The following SNRK variants were observed in gnomAD, a reference collection of about 807,000 sequenced individuals.
SNRK encodes the protein SNF related kinase.
In SNRK, 3 loss-of-function variants were observed where a neutral mutation model predicts 48.2. The observed-to-expected ratio is 0.06, with a 90% CI of 0.03 to 0.16. The LOEUF is 0.16. SNRK is among the 10% of genes least tolerant of loss of function. The pLI is 1.00. For synonymous variants in SNRK, 376 were observed against 366.1 expected, an observed-to-expected ratio of 1.03 and a Z score of -0.31; for missense variants, 627 against 976.0, an observed-to-expected ratio of 0.64 and a Z score of 4.76.
rs192626056 is a variant in SNRK, at chr3:43,320,481, C to T, written c.590-11688C>T. ...AGATGGTGTGACTGATTCATCACCA[C>T]GTTCCAGGTTGTGATTCTCAGCTTT... On this transcript the variant is annotated intron_variant, in intron 3 of 6. Transcript: ENST00000296088. Among the ~76,000 whole-genome samples, 21 of 152,254 alleles carry T rather than the reference C, an allele frequency of 1.4e-4. No individual in the cohort carries two copies. In the East Asian group the frequency reaches 3.3e-3, roughly 24 times the overall value.
chr3:43,328,280 A>C (rs2091111066), intron 3 of SNRK, among the ~76,000 whole-genome samples: 1 of 151,626 alleles, frequency 6.6e-6, no homozygotes, highest in African/African-American at 2.4e-5. Context: ...TCTATACCTT[A>C]GGAGTTTGTA....
chr3:43,337,997 G>T (rs1016135949), intron 4 of SNRK, among the ~76,000 whole-genome samples: 1 of 152,122 alleles, frequency 6.6e-6, no homozygotes, highest in Non-Finnish European at 1.5e-5. Flanking sequence ...CAGTCCCTCC[G>T]CCTCAGCCTT....
chr3:43,329,306 C>T (rs189911147), intron 3 of SNRK, among the ~76,000 whole-genome samples: 8 of 152,036 alleles, frequency 5.3e-5, no homozygotes, highest in African/African-American at 1.7e-4. Context: ...GGTGTGGTGG[C>T]GGGTGCCTGT....
chr3:43,323,284 G>A (rs1053588424), intron 3 of SNRK, among the ~76,000 whole-genome samples: 6 of 152,132 alleles, frequency 3.9e-5, no homozygotes, highest in Non-Finnish European at 7.4e-5. Flanking sequence ...AAGATATTTT[G>A]TACAGTACCA....
chr3:43,301,531 C>T (rs1575534356), intron 2 of SNRK, among the ~76,000 whole-genome samples: 1 of 152,096 alleles, frequency 6.6e-6, no homozygotes, highest in East Asian at 1.9e-4. Flanking sequence ...TTTGGGAGGC[C>T]AAGGCAGGAG....
intron 3 of SNRK, among the ~76,000 whole-genome samples, chr3:43,327,330 A>G (rs555690850): frequency 6.6e-6 from 1 of 152,340 alleles, no homozygotes; most frequent in South Asian, 2.1e-4. Flanking sequence ...ATTGCCTTCT[A>G]CATTAGTGTT....
chr3:43,313,020 G>C (rs2090990047), intron 3 of SNRK, among the ~76,000 whole-genome samples: 1 of 152,128 alleles, frequency 6.6e-6, no homozygotes, highest in African/African-American at 2.4e-5. Flanking sequence ...TCAAAACTCT[G>C]CAGGGGTTTT....
intron 3 of SNRK, among the ~76,000 whole-genome samples, chr3:43,309,986 A>G (rs1397435917): frequency 1.3e-5 from 2 of 152,200 alleles, no homozygotes; most frequent in Non-Finnish European, 2.9e-5. Context: ...TTGCACATTT[A>G]ATAGACTACG....
At chr3:43,294,989 C>G (rs1047097152) in intron 1 of SNRK, among the ~76,000 whole-genome samples, 6 of 152,106 alleles carry the variant, frequency 3.9e-5, no homozygotes, top group Admixed American at 2.0e-4. Flanking sequence ...TAAGTCATTA[C>G]TTATTATGTG....
At chr3:43,293,338 A>G (rs2090827961) in intron 1 of SNRK, among the ~76,000 whole-genome samples, 1 of 152,166 alleles carries the variant, frequency 6.6e-6, no homozygotes, top group South Asian at 2.1e-4. Context: ...ACATTACATA[A>G]ATAGGCATTA....
chr3:43,296,415 CATATATATATATATATATGT>C (rs1245692966), intron 1 of SNRK, among the ~76,000 whole-genome samples: 45 of 127,216 alleles, frequency 3.5e-4, no homozygotes, highest in African/African-American at 1.3e-3. Flanking sequence ...GATATACTGG[CATATATATATATATATATGT>C]ATATATATAT....
At chr3:43,316,112 C>T (rs1055589996) in intron 3 of SNRK, among the ~76,000 whole-genome samples, 2 of 152,136 alleles carry the variant, frequency 1.3e-5, no homozygotes, top group African/African-American at 4.8e-5. Context: ...GTGGGTTTTT[C>T]AGTCATTTAA....
rs149031706 is a variant in SNRK, at chr3:43,333,840, G to C, written c.731+1530G>C. Among the ~76,000 whole-genome samples the C allele has an allele frequency of 2.7e-3, 411 of 152,068 alleles. 1 individual carries two copies. The highest frequency in any genetic ancestry group is 3.8e-3 in the Non-Finnish European group (257 of 67,934). ...AGTAGCTGTCTGTGTCTCCCTCCTA[G>C]AAGGATTATTTTTAATAATTATTGA... On this transcript the variant is annotated intron_variant, in intron 4 of 6. Coordinates refer to ENST00000296088, the MANE Select transcript of SNRK (RefSeq NM_017719.5).
chr3:43,343,170 T>G, intron 5 of SNRK, 174 bp from the exon 6 acceptor site: 1 of 730,520 alleles, frequency 1.4e-6, no homozygotes, highest in Non-Finnish European at 2.1e-6. Context: ...TTTTAGAACT[T>G]TGAGTGACCT....
intron 3 of SNRK, among the ~76,000 whole-genome samples, chr3:43,308,555 A>G (rs1204649418): frequency 6.6e-6 from 1 of 152,254 alleles, no homozygotes; most frequent in Non-Finnish European, 1.5e-5. Context: ...AAATGGAACA[A>G]CAAAGCCTGA....
chr3:43,348,366 G>C lies in SNRK; in HGVS notation c.2107G>C (p.Gly703Arg). The C allele has an allele frequency of 6.2e-7, 1 of 1,607,384 alleles. No individual in the cohort carries two copies. Residue 703 changes from glycine (G) to arginine (R), a missense_variant, in exon 7 of 7, where the codon GGC becomes CGC. Gly to Arg is a moderately radical substitution (Grantham distance 125). Coordinates refer to ENST00000296088, the MANE Select transcript of SNRK (RefSeq NM_017719.5). Reference protein sequence around the residue: ...GNAGQVPAVGGIKFFSDHMAD... With the variant: ...GNAGQVPAVGRIKFFSDHMAD... ...TGCAGGGCAGGTCCCTGCAGTGGGC[G>C]GCATAAAGTTTTTCTCTGACCACAT...
intron 1 of SNRK, among the ~76,000 whole-genome samples, chr3:43,291,942 G>C (rs1023089196): frequency 6.6e-6 from 1 of 152,184 alleles, no homozygotes; most frequent in African/African-American, 2.4e-5. Context: ...CATTGGCTTG[G>C]CCCTGCTTTT....
chr3:43,344,130 TG>T (rs2091257383), intron 6 of SNRK, among the ~76,000 whole-genome samples: 1 of 152,190 alleles, frequency 6.6e-6, no homozygotes, highest in Non-Finnish European at 1.5e-5. Context: ...CCATCACTGC[TG>T]GGAATATTTT....
Position 43,351,094 on chromosome 3 carries a change from GAAA to G in SNRK, c.*2543_*2545del, listed in dbSNP as rs917131419. On this transcript the variant is annotated 3_prime_UTR_variant, in exon 7 of 7. Transcript: ENST00000296088. ...ACATTGACAGGTATGTGACAAATGG[GAAA>G]AAAAATCCAAATAATAAAGTGACAT... 1 of 152,194 alleles carries G rather than the reference GAAA, an allele frequency of 6.6e-6. No homozygotes were observed. The highest frequency in any genetic ancestry group is 2.4e-5 in the African/African-American group (1 of 41,298). 9.4% of individuals were successfully genotyped at this position (152,194 alleles called of 1,614,324 possible).
Sources: gnomAD v4.1 joint callset for allele counts (sites outside exome capture counted in the v4.1 genomes callset) on GRCh38, gnomAD v4.1.1 for gene constraint, MANE v1.5 for transcripts, NCBI Gene and HGNC (gene_info 2026-07-23, HGNC 2026-07-21) for gene names.